The following NEDD4 variants were observed in gnomAD, a reference collection of about 807,000 sequenced individuals.
NEDD4 encodes the protein NEDD4 E3 ubiquitin protein ligase, also known as E3 ubiquitin-protein ligase NEDD4.
In NEDD4, 99 loss-of-function variants were observed where a neutral mutation model predicts 144.9. The ratio of observed to expected loss-of-function variants is 0.68; its 90% CI spans 0.58 to 0.81. The LOEUF (loss-of-function observed/expected upper bound fraction) is 0.81. NEDD4 is among the 30% of genes least tolerant of loss of function. The probability of loss-of-function intolerance (pLI) is 0.00; values close to 1 mark genes in which losing one functional copy is unlikely to be tolerated. For missense variants in NEDD4, 985 were observed against 1,065.9 expected, an observed-to-expected ratio of 0.92 and a Z score of 1.06; for synonymous variants, 318 against 350.6, an observed-to-expected ratio of 0.91 and a Z score of 1.04.
chr15:55,985,943 C>T (rs1282331278), intron 1 of NEDD4, among the ~76,000 whole-genome samples: 2 of 152,126 alleles, frequency 1.3e-5, no homozygotes, highest in African/African-American at 4.8e-5. Context: ...AAGCAAAATA[C>T]AAGAGAAGCC....
At chr15:55,976,728 C>T (rs2037706374) in intron 1 of NEDD4, among the ~76,000 whole-genome samples, 2 of 150,864 alleles carry the variant, frequency 1.3e-5, no homozygotes, top group African/African-American at 2.4e-5. Context: ...CTCCTGGGCT[C>T]ACGCCGTTCT....
At chr15:55,940,209 C>T (rs1356375981) in intron 4 of NEDD4, among the ~76,000 whole-genome samples, 1 of 151,950 alleles carries the variant, frequency 6.6e-6, no homozygotes, top group African/African-American at 2.4e-5. Flanking sequence ...ATATTATACA[C>T]CAAAACCTTT....
At chr15:55,891,889 T>TA (rs752869942) in intron 5 of NEDD4, among the ~76,000 whole-genome samples, 1 of 152,066 alleles carries the variant, frequency 6.6e-6, no homozygotes, top group Non-Finnish European at 1.5e-5. Flanking sequence ...TCCAAAGTAA[T>TA]AAAAAATCAG....
intron 4 of NEDD4, among the ~76,000 whole-genome samples, chr15:55,932,457 G>T (rs1481596338): frequency 2.0e-5 from 3 of 152,130 alleles, no homozygotes; most frequent in Non-Finnish European, 4.4e-5. Flanking sequence ...GGGAAAACTG[G>T]CTAGCCATAG....
At chr15:55,921,745 C>A (rs1323383329) in intron 5 of NEDD4, among the ~76,000 whole-genome samples, 1 of 152,162 alleles carries the variant, frequency 6.6e-6, no homozygotes, top group African/African-American at 2.4e-5. Context: ...AAAGGCAATA[C>A]TTTTTTCTTC....
intron 14 of NEDD4, among the ~76,000 whole-genome samples, chr15:55,849,288 C>T (rs1185850890): frequency 1.3e-5 from 2 of 152,008 alleles, no homozygotes; most frequent in Non-Finnish European, 2.9e-5. Flanking sequence ...ACAATGGCAC[C>T]ATCTCAGCTC....
intron 22 of NEDD4, 149 bp from the exon 23 acceptor site, chr15:55,838,329 A>C: frequency 1.4e-6 from 1 of 736,178 alleles, no homozygotes. Context: ...TAGTTTTACT[A>C]AAATAAATAT....
At chr15:55,982,549 C>T (rs1469415261) in intron 1 of NEDD4, among the ~76,000 whole-genome samples, 1 of 152,052 alleles carries the variant, frequency 6.6e-6, no homozygotes, top group Non-Finnish European at 1.5e-5. Context: ...CAAAAGTAAT[C>T]CATGGTGACA....
At chr15:55,830,669 T>G in intron 27 of NEDD4, 83 bp from the exon 28 acceptor site, 2 of 1,004,810 alleles carry the variant, frequency 2.0e-6, no homozygotes, top group Non-Finnish European at 3.2e-6. Context: ...TGTACACTAG[T>G]TCCTACACAC....
Position 55,979,301 on chromosome 15 carries a change from A to C in NEDD4, c.46-12755T>G, listed in dbSNP as rs1029241940. Among the ~76,000 whole-genome samples the C allele has an allele frequency of 5.9e-5, 9 of 151,346 alleles. No homozygotes were observed. The South Asian group carries it at 8.3e-4, about 14-fold the overall frequency. On this transcript the variant is annotated intron_variant, in intron 1 of 28. Transcript: ENST00000435532. The stretch of plus-strand genomic sequence containing the variant: ...GATTAGAAGGAAATATGCAAAAATA[A>C]AGTTATTAAAGTAATAAGATCATGA...
At chr15:55,852,164 C>T (rs1362708010) in intron 13 of NEDD4, among the ~76,000 whole-genome samples, 1 of 151,798 alleles carries the variant, frequency 6.6e-6, no homozygotes, top group Non-Finnish European at 1.5e-5. Context: ...GGTGTGGTGG[C>T]GGGCACCTGT....
At chr15:55,880,468 T>A (rs1400208134) in intron 5 of NEDD4, among the ~76,000 whole-genome samples, 3 of 152,110 alleles carry the variant, frequency 2.0e-5, no homozygotes, top group Admixed American at 6.6e-5. Context: ...AGAGAGTACT[T>A]CCTGCAAAAT....
chr15:55,860,318 C>G (rs1396843693), intron 11 of NEDD4, 89 bp downstream of exon 11: 10 of 1,357,386 alleles, frequency 7.4e-6, no homozygotes, highest in Non-Finnish European at 1.0e-5. Context: ...GCATTTAAGA[C>G]AAAATTTTAC....
At chr15:55,943,669 G>C (rs2037051152) in intron 4 of NEDD4, among the ~76,000 whole-genome samples, 1 of 152,194 alleles carries the variant, frequency 6.6e-6, no homozygotes, top group Non-Finnish European at 1.5e-5. Flanking sequence ...ATATTGCAGG[G>C]GCAGAGCCCT....
rs112980121 is a variant in NEDD4, at chr15:55,942,402, G to C, written c.237+8974C>G. On this transcript the variant is annotated intron_variant, in intron 4 of 28. Transcript: ENST00000435532. The stretch of plus-strand genomic sequence containing the variant: ...AATTGTAATCCCTAATGTTGGAGGA[G>C]GGGCCAGATGGGAGGTGACCGGATC... 4.6e-5 allele frequency among the ~76,000 whole-genome samples: 7 copies of C among 152,308 alleles called. 1 individual carries two copies. Among genetic ancestry groups the C allele is most frequent in the African/African-American group, 1.7e-4 (7 of 41,574 alleles).
intron 5 of NEDD4, among the ~76,000 whole-genome samples, chr15:55,896,386 G>A (rs530777162): frequency 5.9e-5 from 9 of 152,052 alleles, no homozygotes; most frequent in Non-Finnish European, 8.8e-5. Context: ...GTTTTGCCAC[G>A]TTGGTTAGGC....
At chr15:55,830,646 A>G in intron 27 of NEDD4, 60 bp from the exon 28 acceptor site, 5 of 1,430,328 alleles carry the variant, frequency 3.5e-6, no homozygotes, top group Admixed American at 3.4e-5. Flanking sequence ...AGGCATATCA[A>G]AACTTTTTCT....
intron 23 of NEDD4, 72 bp downstream of exon 23, chr15:55,838,035 T>C (rs1278616571): frequency 2.0e-6 from 2 of 1,017,026 alleles, no homozygotes; most frequent in Non-Finnish European, 2.9e-6. Flanking sequence ...CAGAGAAAGA[T>C]GGTAAGAAGA....
chr15:55,971,762 A>AT (rs1276355906), intron 1 of NEDD4, among the ~76,000 whole-genome samples: 6 of 152,224 alleles, frequency 3.9e-5, no homozygotes, highest in African/African-American at 1.4e-4. Context: ...CAGAAAGGTT[A>AT]TAGAATATCA....
Sources: allele counts gnomAD v4.1 joint callset (sites outside exome capture counted in the v4.1 genomes callset), GRCh38; gene constraint gnomAD v4.1.1; transcripts MANE v1.5; gene names NCBI Gene and HGNC (gene_info 2026-07-23, HGNC 2026-07-21).